The following DCUN1D4 variants were observed in gnomAD, a reference collection of about 807,000 sequenced individuals.
The protein encoded by DCUN1D4 is DCN1-like protein 4.
A neutral mutation model predicts 47.9 loss-of-function variants in DCUN1D4; 22 were observed. The observed-to-expected ratio is 0.46, with a 90% CI of 0.33 to 0.66. The LOEUF is 0.66. Ranked by LOEUF, DCUN1D4 falls within the 30% of genes least tolerant of loss-of-function variation. The probability of loss-of-function intolerance (pLI) is 0.02; values close to 1 mark genes in which losing one functional copy is unlikely to be tolerated. For missense variants in DCUN1D4, 301 were observed against 340.8 expected (o/e 0.88, Z 0.92); for synonymous variants, 121 against 112.2 (o/e 1.08, Z -0.50).
chr4:51,909,411 A>G (rs1733374675), intron 8 of DCUN1D4: 1 of 172,050 alleles, frequency 5.8e-6, no homozygotes, highest in Non-Finnish European at 1.2e-5. Context: ...ATTGCTTCAT[A>G]GTATGGTGTG....
At chr4:51,841,962 G>A (rs185524864), upstream of DCUN1D4, among the ~76,000 whole-genome samples, 11 of 148,618 alleles carry the variant, frequency 7.4e-5, no homozygotes, top group East Asian at 2.0e-3. Flanking sequence ...GCTGGGATGA[G>A]GGTGGAGGCA....
intron 7 of DCUN1D4, 149 bp from the exon 8 acceptor site, chr4:51,899,121 T>C: frequency 1.5e-6 from 2 of 1,336,056 alleles, no homozygotes; most frequent in Non-Finnish European, 1.9e-6. Context: ...ATTTAAAATT[T>C]TTTTTAAGTG....
intron 1 of DCUN1D4, among the ~76,000 whole-genome samples, chr4:51,857,041 C>T (rs144360272): frequency 6.6e-6 from 1 of 152,276 alleles, no homozygotes; most frequent in Non-Finnish European, 1.5e-5. Flanking sequence ...ATACTCGACT[C>T]ATACCGTATT....
chr4:51,861,082 A>G (rs148742719), intron 1 of DCUN1D4, among the ~76,000 whole-genome samples: 245 of 152,324 alleles, frequency 1.6e-3, no homozygotes, highest in Middle Eastern at 0.014. Context: ...ATACCTAGAC[A>G]TTGTAATAGG....
chr4:51,886,179 C>G (rs1463402458), intron 5 of DCUN1D4, among the ~76,000 whole-genome samples: 1 of 152,066 alleles, frequency 6.6e-6, no homozygotes, highest in African/African-American at 2.4e-5. Context: ...TATGTTTTTT[C>G]TTATTTAATT....
Position 51,845,380 on chromosome 4 carries a change from G to GTAA in DCUN1D4, c.25+2116_25+2118dup, listed in dbSNP as rs1354864778. ...GGTGGAAATGTGAAGGTGAGCAAAG[G>GTAA]TAATATGTGACGTCTTCAATTTTCG... On this transcript the variant is annotated intron_variant, in intron 1 of 10. Coordinates refer to ENST00000334635, the MANE Select transcript of DCUN1D4 (RefSeq NM_001040402.3). The GTAA allele has an allele frequency of 2.1e-5, 14 of 668,556 alleles. No homozygotes were observed. In the African/African-American group the frequency reaches 2.6e-4, roughly 12 times the overall value. The allele number at this position is 668,556 out of a possible 1,614,324, so 41.4% of individuals were successfully genotyped here. A position where few individuals can be genotyped will look rare whatever the true frequency, so the allele number is the denominator to read the frequency against.
chr4:51,895,548 G>A (rs1731113582), intron 7 of DCUN1D4, among the ~76,000 whole-genome samples: 1 of 112,928 alleles, frequency 8.9e-6, no homozygotes, highest in African/African-American at 3.7e-5. Context: ...GCTAATTGTG[G>A]TGCTTAAACT....
intron 4 of DCUN1D4, among the ~76,000 whole-genome samples, chr4:51,876,264 G>GT (rs1727652947): frequency 1.3e-5 from 2 of 152,274 alleles, no homozygotes; most frequent in South Asian, 4.1e-4. Flanking sequence ...CATGTCCTTT[G>GT]TAGGGACATG....
the DCUN1D4 span, among the ~76,000 whole-genome samples, chr4:51,837,524 G>C: frequency 2.0e-5 from 3 of 151,626 alleles, no homozygotes; most frequent in African/African-American, 7.3e-5. Context: ...GCGCAGTGGC[G>C]GGCGCCTGTA....
chr4:51,866,543 A>G (rs770300928), intron 3 of DCUN1D4, among the ~76,000 whole-genome samples: 3 of 152,144 alleles, frequency 2.0e-5, no homozygotes, highest in Non-Finnish European at 2.9e-5. Flanking sequence ...TTTCTAATCC[A>G]TGGGTATTTT....
intron 4 of DCUN1D4, among the ~76,000 whole-genome samples, chr4:51,877,198 A>G (rs1312667739): frequency 1.3e-5 from 2 of 152,192 alleles, no homozygotes; most frequent in Non-Finnish European, 2.9e-5. Flanking sequence ...CTAAGGTTAT[A>G]CTAATCAAGA....
intron 9 of DCUN1D4, among the ~76,000 whole-genome samples, chr4:51,911,477 T>G (rs1733709489): frequency 6.6e-6 from 1 of 152,188 alleles, no homozygotes; most frequent in East Asian, 1.9e-4. Flanking sequence ...TTCTGTTCTT[T>G]GTAACAATAG....
At chr4:51,908,110 G>A (rs1464125752) in intron 8 of DCUN1D4, among the ~76,000 whole-genome samples, 1 of 152,042 alleles carries the variant, frequency 6.6e-6, no homozygotes, top group East Asian at 1.9e-4. Flanking sequence ...AGGATCCTTT[G>A]GTTTTGCAGC....
intron 1 of DCUN1D4, 57 bp from the exon 2 acceptor site, chr4:51,863,380 G>GT: frequency 1.3e-5 from 18 of 1,342,768 alleles, no homozygotes; most frequent in South Asian, 6.2e-5. Context: ...TTCTGAGTTT[G>GT]TTTTTTTACA....
upstream of DCUN1D4, among the ~76,000 whole-genome samples, chr4:51,838,376 CTTTATTTA>C (rs965293722): frequency 4.0e-5 from 6 of 151,846 alleles, no homozygotes; most frequent in Non-Finnish European, 8.8e-5. Flanking sequence ...CCTGGTTTCA[CTTTATTTA>C]TTTATTTATT....
chr4:51,871,288 TAAGA>T (rs1423524036), intron 3 of DCUN1D4, among the ~76,000 whole-genome samples: 1 of 152,150 alleles, frequency 6.6e-6, no homozygotes, highest in Non-Finnish European at 1.5e-5. Flanking sequence ...CATTTATCAA[TAAGA>T]AAGAAACATA....
chr4:51,889,109 G>A (rs538594186), intron 6 of DCUN1D4, among the ~76,000 whole-genome samples: 153 of 151,370 alleles, frequency 1.0e-3, no homozygotes, highest in Non-Finnish European at 1.9e-3. Context: ...ACTCTGTCTC[G>A]AAAAAGAAAA....
Position 51,877,445 on chromosome 4 carries a change from C to A in DCUN1D4, c.252-318C>A, listed in dbSNP as rs1313198047. Reference sequence around the variant, plus strand: ...GTAGGCAAGACATTTCTTGCCATATCTCACCATTATTTTGTAGTTCTGGCT... The same window carrying A: ...GTAGGCAAGACATTTCTTGCCATATATCACCATTATTTTGTAGTTCTGGCT... On this transcript the variant is annotated intron_variant, in intron 4 of 10. Coordinates refer to ENST00000334635, the MANE Select transcript of DCUN1D4 (RefSeq NM_001040402.3). The A allele has an allele frequency of 2.9e-5, 5 of 170,630 alleles. No individual in the cohort carries two copies. The East Asian group carries it at 8.2e-4, about 28-fold the overall frequency. The allele number at this position is 170,630 out of a possible 1,614,324, so 10.6% of individuals were successfully genotyped here.
At chr4:51,860,033 C>T (rs1364277864) in intron 1 of DCUN1D4, among the ~76,000 whole-genome samples, 2 of 152,172 alleles carry the variant, frequency 1.3e-5, no homozygotes, top group African/African-American at 4.8e-5. Context: ...AGGGCTATTA[C>T]TTGCCATGAG....
Sources: allele counts gnomAD v4.1 joint callset (sites outside exome capture counted in the v4.1 genomes callset), GRCh38; gene constraint gnomAD v4.1.1; transcripts MANE v1.5; gene names NCBI Gene and HGNC (gene_info 2026-07-23, HGNC 2026-07-21).